The following DPYSL5 variants were observed in gnomAD, a reference collection of about 807,000 sequenced individuals.
The protein encoded by DPYSL5 is dihydropyrimidinase-related protein 5.
Under a neutral mutation model 58.4 loss-of-function variants are expected in DPYSL5, and 9 were observed. The ratio of observed to expected loss-of-function variants is 0.15; its 90% CI spans 0.09 to 0.27. The LOEUF is 0.27. Among genes scored for constraint, DPYSL5 ranks in the 10% least tolerant of loss-of-function variants. DPYSL5 has a pLI of 1.00. For missense variants in DPYSL5, 499 were observed against 770.6 expected (o/e 0.65, Z 4.17); for synonymous variants, 293 against 301.9 (o/e 0.97, Z 0.31).
rs1239555050 is a variant in DPYSL5 at position 26,942,512 on chromosome 2, G to T, written c.1233-31G>T. ...TGTGACATTTTGACCTGTCCTCAGC[G>T]CTTTCTCTCCCGCCATTGCCTCCCC... On this transcript the variant is annotated intron_variant, in intron 10 of 12. Transcript: ENST00000288699. The surrounding 1 kb of genome is among the most constrained non-coding windows in gnomAD (Gnocchi z 5.9). 6.2e-7 allele frequency: 1 copy of T among 1,601,814 alleles called. No individual in the cohort carries two copies. Among genetic ancestry groups the T allele is most frequent in the South Asian group, 1.1e-5 (1 of 89,386 alleles).
intron 8 of DPYSL5, among the ~76,000 whole-genome samples, chr2:26,937,225 G>A (rs1665202803): frequency 6.6e-6 from 1 of 151,916 alleles, no homozygotes; most frequent in African/African-American, 2.4e-5. Context: ...TTTATATCTA[G>A]CTTACTTTGT....
intron 1 of DPYSL5, among the ~76,000 whole-genome samples, chr2:26,868,964 C>T (rs1459595678): frequency 4.0e-5 from 6 of 151,856 alleles, no homozygotes; most frequent in Non-Finnish European, 7.4e-5. Flanking sequence ...GATTCTATGC[C>T]TTTCTTGGTT....
chr2:26,931,693 C>T lies in DPYSL5; in HGVS notation c.714+9C>T. The T allele has an allele frequency of 6.2e-7, 1 of 1,613,676 alleles. No individual in the cohort carries two copies. Among genetic ancestry groups the T allele is most frequent in the African/African-American group, 1.3e-5 (1 of 74,962 alleles). ...TCACCATTGCAAACAGGGTAAGTCC[C>T]CCGATGTCCACTGTGGGATTAGAAA... On this transcript the variant is annotated intron_variant, in intron 6 of 12. Coordinates refer to ENST00000288699, the MANE Select transcript of DPYSL5 (RefSeq NM_020134.4).
In DPYSL5 at chr2:26,940,124, A is replaced by G; in HGVS notation, c.1041A>G (p.Gly347=). Residue 347 remains glycine (G), a synonymous_variant, in exon 9 of 13, where the codon GGA becomes GGG. Transcript: ENST00000288699. ...GKEDFTKIPH[G]VSGVQDRMSV... is the part of the protein sequence containing the mutation. ...AAGACTTCACCAAGATCCCACATGG[A>G]GTGAGTGGCGTGCAGGACCGCATGA... The G allele has an allele frequency of 6.2e-7, 1 of 1,614,192 alleles. No homozygotes were observed. The highest frequency in any genetic ancestry group is 8.5e-7 in the Non-Finnish European group (1 of 1,180,034).
At chr2:26,932,856 G>T (rs140192271) in intron 6 of DPYSL5, among the ~76,000 whole-genome samples, 1 of 152,270 alleles carries the variant, frequency 6.6e-6, no homozygotes, top group East Asian at 1.9e-4. Context: ...AGCAGGCATC[G>T]TAATTTTAGA....
chr2:26,869,548 G>A (rs770843254), intron 1 of DPYSL5, among the ~76,000 whole-genome samples: 15 of 151,998 alleles, frequency 9.9e-5, no homozygotes, highest in African/African-American at 2.4e-4. Flanking sequence ...CCCTTTCTGC[G>A]TCATTCTTAG....
At chr2:26,852,921 T>G (rs780764194) in intron 1 of DPYSL5, among the ~76,000 whole-genome samples, 16 of 152,198 alleles carry the variant, frequency 1.1e-4, no homozygotes, top group Non-Finnish European at 2.2e-4. Context: ...CAGCATCATA[T>G]TCTCCCTCTA....
At chr2:26,873,627 G>A (rs1359375925) in intron 1 of DPYSL5, among the ~76,000 whole-genome samples, 6 of 152,204 alleles carry the variant, frequency 3.9e-5, no homozygotes, top group Non-Finnish European at 1.5e-5. Context: ...TGCAAATGAT[G>A]GTCTGCAGGC....
chr2:26,884,492 A>G (rs746666596), intron 1 of DPYSL5, among the ~76,000 whole-genome samples: 30 of 150,448 alleles, frequency 2.0e-4, no homozygotes, highest in Non-Finnish European at 3.5e-4. Context: ...GTGAACACAC[A>G]TCAACGCACA....
At chr2:26,883,493 G>A (rs1270328499) in intron 1 of DPYSL5, among the ~76,000 whole-genome samples, 1 of 152,140 alleles carries the variant, frequency 6.6e-6, no homozygotes, top group Non-Finnish European at 1.5e-5. Context: ...CCGATCCCCG[G>A]GTTCAAGCAA....
chr2:26,943,412 A>T (rs930902547), intron 11 of DPYSL5, among the ~76,000 whole-genome samples: 10 of 152,192 alleles, frequency 6.6e-5, no homozygotes, highest in African/African-American at 2.4e-4. Context: ...TCTCTTACTC[A>T]TCACACTCAG....
chr2:26,897,819 G>C (rs565719643), intron 1 of DPYSL5, among the ~76,000 whole-genome samples: 1 of 152,180 alleles, frequency 6.6e-6, no homozygotes. Flanking sequence ...CTGCATCTCT[G>C]GGGGTGGGGC....
rs750517458 is a variant in DPYSL5 at position 26,942,028 on chromosome 2, C to T, written c.1168C>T (p.Arg390Cys). Reference protein sequence around the residue: ...NAAKLLNLYPRKGRIIPGADA... With the variant: ...NAAKLLNLYPCKGRIIPGADA... ...AGCTAAGCTTCTGAACCTGTATCCC[C>T]GCAAGGGCCGCATTATTCCCGGAGC... Residue 390 changes from arginine (R) to cysteine (C), a missense_variant, in exon 10 of 13, where the codon CGC (arginine) becomes TGC (cysteine). Physicochemically the swap from Arg to Cys is radical, Grantham distance 180. This residue lies in a region of DPYSL5 where 404 missense variants were observed against 647.6 expected (regional missense o/e 0.62). Transcript: ENST00000288699. The surrounding 1 kb of genome is among the most constrained non-coding windows in gnomAD (Gnocchi z 5.9). The T allele has an allele frequency of 1.5e-5, 24 of 1,614,050 alleles. No individual in the cohort carries two copies. The highest frequency in any genetic ancestry group is 1.6e-4 in the Middle Eastern group (1 of 6,076).
chr2:26,898,559 T>C lies in DPYSL5; in HGVS notation c.60T>C (p.Asp20=), dbSNP rs377376231. The C allele has an allele frequency of 8.7e-6, 14 of 1,614,150 alleles. No homozygotes were observed. Among genetic ancestry groups the C allele is most frequent in the African/African-American group, 8.0e-5 (6 of 75,026 alleles). Residue 20 remains aspartate (D), a synonymous_variant, in exon 2 of 13, where the codon GAT becomes GAC. Transcript: ENST00000288699. The surrounding 1 kb of genome is among the most constrained non-coding windows in gnomAD (Gnocchi z 6.1). ...TCAAGGGAGGCAAGGTGGTGAACGA[T>C]GACTGCACCCACGAGGCTGACGTCT... ...ILIKGGKVVN[D]DCTHEADVYI...
intron 1 of DPYSL5, among the ~76,000 whole-genome samples, chr2:26,860,929 T>C (rs1301410703): frequency 6.6e-6 from 1 of 152,206 alleles, no homozygotes; most frequent in Admixed American, 6.5e-5. Context: ...CTGGGAAAAC[T>C]CACAATTTAC....
chr2:26,901,772 C>T (rs570559626), intron 2 of DPYSL5, among the ~76,000 whole-genome samples: 10 of 149,360 alleles, frequency 6.7e-5, no homozygotes, highest in Non-Finnish European at 7.4e-5. Context: ...ACCCCACCCC[C>T]GCCCCGCCCC....
At chr2:26,930,938 C>T (rs1664955413) in intron 5 of DPYSL5, among the ~76,000 whole-genome samples, 1 of 149,276 alleles carries the variant, frequency 6.7e-6, no homozygotes, top group Non-Finnish European at 1.5e-5. Flanking sequence ...TGCGCCACTG[C>T]ACTCCAGCCT....
chr2:26,875,862 A>C (rs564600575), intron 1 of DPYSL5, among the ~76,000 whole-genome samples: 2 of 152,172 alleles, frequency 1.3e-5, no homozygotes, highest in Non-Finnish European at 2.9e-5. Context: ...GTAAACATGA[A>C]AAAGAGGAAA....
rs771825131 is a variant in DPYSL5 at position 26,898,267 on chromosome 2, T to C, written c.-4-229T>C. Among the ~76,000 whole-genome samples the C allele has an allele frequency of 6.6e-6, 1 of 152,292 alleles. No individual in the cohort carries two copies. The highest frequency in any genetic ancestry group is 1.9e-4 in the East Asian group (1 of 5,184). ...AGCATTTTGGGAAAGTAAAACATGA[T>C]GTTTCTGTAGGCCCCAGCTTCTCCC... is the stretch of plus-strand genomic sequence containing the variant. On this transcript the variant is annotated intron_variant, in intron 1 of 12. Transcript: ENST00000288699. The surrounding 1 kb of genome is among the most constrained non-coding windows in gnomAD (Gnocchi z 6.1).
Sources: gnomAD v4.1 joint callset for allele counts (sites outside exome capture counted in the v4.1 genomes callset) on GRCh38, gnomAD v4.1.1 for gene constraint, gnomAD v4.1.1 regional missense constraint, Gnocchi (gnomAD v3.1) non-coding constraint, MANE v1.5 for transcripts, NCBI Gene and HGNC (gene_info 2026-07-23, HGNC 2026-07-21) for gene names.